The following ATP6V1E1 variants were observed in gnomAD, a reference collection of about 807,000 sequenced individuals.
ATP6V1E1 encodes ATPase H+ transporting V1 subunit E1.
A neutral mutation model predicts 35.2 loss-of-function variants in ATP6V1E1; 21 were observed. The observed-to-expected ratio is 0.60, with a 90% confidence interval of 0.42 to 0.86. ATP6V1E1 has a LOEUF of 0.86. Among genes scored for constraint, ATP6V1E1 ranks in the 40% least tolerant of loss-of-function variants. The pLI is 0.00. For synonymous variants in ATP6V1E1, 83 were observed against 87.8 expected, an observed-to-expected ratio of 0.95 and a Z score of 0.30; for missense variants, 183 against 272.6, an observed-to-expected ratio of 0.67 and a Z score of 2.32.
intron 2 of ATP6V1E1, among the ~76,000 whole-genome samples, chr22:17,615,780 C>T (rs2057841021): frequency 6.6e-6 from 1 of 152,120 alleles, no homozygotes; most frequent in Non-Finnish European, 1.5e-5. Context: ...CGCCTGTAAT[C>T]CCAACACTTT....
chr22:17,619,581 T>C, intron 1 of ATP6V1E1, 55 bp from the exon 2 acceptor site: 2 of 1,401,306 alleles, frequency 1.4e-6, no homozygotes, highest in East Asian at 2.5e-5. Flanking sequence ...ATATCTTTTC[T>C]GATTCATTGA....
chr22:17,597,434 C>T (rs1309660601), intron 7 of ATP6V1E1, among the ~76,000 whole-genome samples: 1 of 151,928 alleles, frequency 6.6e-6, no homozygotes, highest in Non-Finnish European at 1.5e-5. Context: ...GTCATTTCCT[C>T]ACAGTCATAA....
Position 17,592,680 on chromosome 22 carries a change from C to CA in ATP6V1E1, c.674dup (p.Leu225PhefsTer32). 6.2e-7 allele frequency: 1 copy of CA among 1,614,032 alleles called. No homozygotes were observed. Among genetic ancestry groups the CA allele is most frequent in the Admixed American group, 1.7e-5 (1 of 60,010 alleles). On this transcript the variant is annotated frameshift_variant, in exon 9 of 9. Coordinates refer to ENST00000253413, the MANE Select transcript of ATP6V1E1 (RefSeq NM_001696.4). LOFTEE classifies it high-confidence loss of function. ...AGCTCCACCTCCTGAAGGCTTAGTC[C>CA]AAAAACTTCCTGTTGGCATTTGCAC...
At chr22:17,602,607 C>G (rs1030564209) in intron 4 of ATP6V1E1, among the ~76,000 whole-genome samples, 17 of 151,670 alleles carry the variant, frequency 1.1e-4, no homozygotes, top group Non-Finnish European at 1.9e-4. Context: ...AATCTCCTAA[C>G]CTCGTGATCC....
rs373916670 is a variant in ATP6V1E1, at chr22:17,601,075, C to G, written c.366+17G>C. The G allele has an allele frequency of 1.2e-6, 2 of 1,604,112 alleles. No homozygotes were observed. The highest frequency in any genetic ancestry group is 1.3e-5 in the African/African-American group (1 of 74,680). On this transcript the variant is annotated intron_variant, in intron 5 of 8. Coordinates refer to ENST00000253413, the MANE Select transcript of ATP6V1E1 (RefSeq NM_001696.4). ...AGAACTGTGGCTATCAACAGTAGAT[C>G]TGGTCTATGAGGGTACCTGGAGAAC... is the stretch of plus-strand genomic sequence containing the variant.
chr22:17,627,915 G>A lies in ATP6V1E1; in HGVS notation c.33+688C>T, dbSNP rs116796719. On this transcript the variant is annotated intron_variant, in intron 1 of 8. Transcript: ENST00000253413. ...GAAGCAGGTCTCTTCCCTCCGCACTGTTTCCTATCATATAGCCTTAAGCAT... is the reference window on the plus strand; with the variant it reads ...GAAGCAGGTCTCTTCCCTCCGCACTATTTCCTATCATATAGCCTTAAGCAT... Among the ~76,000 whole-genome samples, 647 of 148,438 alleles carry A rather than the reference G, an allele frequency of 4.4e-3. 4 individuals are homozygous for A. Among genetic ancestry groups the A allele is most frequent in the African/African-American group, 0.015 (609 of 40,584 alleles).
chr22:17,594,059 G>T (rs576849411), intron 8 of ATP6V1E1, among the ~76,000 whole-genome samples: 29 of 152,228 alleles, frequency 1.9e-4, no homozygotes, highest in Admixed American at 3.3e-4. Flanking sequence ...AAAATTAGCC[G>T]GGTGTGGTGG....
intron 5 of ATP6V1E1, 100 bp downstream of exon 5, chr22:17,600,992 G>A: frequency 1.0e-6 from 1 of 996,582 alleles, no homozygotes; most frequent in Non-Finnish European, 1.5e-6. Context: ...AAAAACTAGA[G>A]AAATGAGAAA....
intron 1 of ATP6V1E1, among the ~76,000 whole-genome samples, chr22:17,624,678 G>A (rs556929461): frequency 5.9e-5 from 9 of 152,036 alleles, no homozygotes; most frequent in South Asian, 4.1e-4. Flanking sequence ...AAAATTATCC[G>A]GGTGTGGTGA....
intron 1 of ATP6V1E1, among the ~76,000 whole-genome samples, chr22:17,626,325 A>AAAAAAAAG (rs1555864859): frequency 2.1e-3 from 252 of 122,732 alleles, no homozygotes; most frequent in Non-Finnish European, 2.4e-3. Context: ...AAAAAAAAAA[A>AAAAAAAAG]AAAGAAAGAA....
At chr22:17,599,604 A>G (rs1487304882) in intron 6 of ATP6V1E1, among the ~76,000 whole-genome samples, 1 of 146,296 alleles carries the variant, frequency 6.8e-6, no homozygotes, top group African/African-American at 2.5e-5. Flanking sequence ...AGGAAACTAG[A>G]TCCCTGGAAT....
At chr22:17,594,140 T>C (rs913406541) in intron 8 of ATP6V1E1, among the ~76,000 whole-genome samples, 21 of 152,128 alleles carry the variant, frequency 1.4e-4, no homozygotes, top group African/African-American at 4.8e-4. Context: ...AGGTGGAAGT[T>C]GCAGTGAGCC....
At chr22:17,598,592 C>G (rs2057745195) in intron 6 of ATP6V1E1, among the ~76,000 whole-genome samples, 1 of 152,008 alleles carries the variant, frequency 6.6e-6, no homozygotes, top group Non-Finnish European at 1.5e-5. Flanking sequence ...ATTCCCCCAG[C>G]TGAGAGTGTT....
At position 17,618,554 on chromosome 22, in the gene ATP6V1E1, T is replaced by A. The variant is rs953019476; in HGVS notation, c.99+907A>T. 4.6e-5 allele frequency among the ~76,000 whole-genome samples: 7 copies of A among 150,844 alleles called. No homozygotes were observed. In the East Asian group the frequency reaches 1.4e-3, roughly 30 times the overall value. ...AAAATTAGCCAGGCGTGGTGGCGGG[T>A]GTCTGTAATCCCAGCTACTCGGGAG... is the stretch of plus-strand genomic sequence containing the variant. On this transcript the variant is annotated intron_variant, in intron 2 of 8. Coordinates refer to ENST00000253413, the MANE Select transcript of ATP6V1E1 (RefSeq NM_001696.4).
intron 2 of ATP6V1E1, among the ~76,000 whole-genome samples, chr22:17,615,771 G>T (rs1009076397): frequency 1.3e-5 from 2 of 152,082 alleles, no homozygotes; most frequent in African/African-American, 4.8e-5. Flanking sequence ...GGTAGCTAAC[G>T]CCTGTAATCC....
chr22:17,598,480 C>T (rs574492960), intron 6 of ATP6V1E1, among the ~76,000 whole-genome samples, 192 bp from the exon 7 acceptor site: 7 of 152,240 alleles, frequency 4.6e-5, no homozygotes, highest in African/African-American at 1.4e-4. Context: ...GGAAGAGATG[C>T]GAATGGTTTC....
intron 8 of ATP6V1E1, among the ~76,000 whole-genome samples, chr22:17,593,432 T>C (rs1462689133): frequency 1.3e-5 from 2 of 152,184 alleles, no homozygotes; most frequent in African/African-American, 4.8e-5. Context: ...ACACTTCCAA[T>C]GCCAGCTTAG....
Position 17,600,094 on chromosome 22 carries a change from C to A in ATP6V1E1, c.368G>T (p.Gly123Val). 3 of 1,613,172 alleles carry A rather than the reference C, an allele frequency of 1.9e-6. No individual in the cohort carries two copies. The highest frequency in any genetic ancestry group is 1.7e-6 in the Non-Finnish European group (2 of 1,179,256). ...QVLLDGLVLQGLYQLLEPRMI... is the reference protein window; with the variant it reads ...QVLLDGLVLQVLYQLLEPRMI... ...TCGGGGCTCCAGCAACTGGTACAAA[C>A]CCTGGAAGAAATAGTAGATACAGTC... The change falls in exon 6 of 9, where the codon GGT becomes GTT. Residue 123 changes from glycine (G) to valine (V), a missense_variant and splice_region_variant. Gly to Val is a moderately radical substitution (Grantham distance 109). Transcript: ENST00000253413.
intron 1 of ATP6V1E1, among the ~76,000 whole-genome samples, chr22:17,625,707 C>T (rs1273919683): frequency 6.6e-6 from 1 of 152,076 alleles, no homozygotes; most frequent in Non-Finnish European, 1.5e-5. Flanking sequence ...AAAACTGCAG[C>T]CTTAAACTTC....
Sources: gnomAD v4.1 joint callset for allele counts (sites outside exome capture counted in the v4.1 genomes callset) on GRCh38, gnomAD v4.1.1 for gene constraint, MANE v1.5 for transcripts, NCBI Gene and HGNC (gene_info 2026-07-23, HGNC 2026-07-21) for gene names.